Variants in CRIM1 observed in about 807,000 individuals in gnomAD.
CRIM1 encodes cysteine rich transmembrane BMP regulator 1, also known as cysteine-rich motor neuron 1 protein.
Under a neutral mutation model 116.4 loss-of-function variants are expected in CRIM1, and 32 were observed. That is an observed-to-expected ratio of 0.27 (90% CI 0.21 to 0.37). The LOEUF (loss-of-function observed/expected upper bound fraction) is 0.37. Among genes scored for constraint, CRIM1 ranks in the 10% least tolerant of loss-of-function variants. The probability of loss-of-function intolerance (pLI) is 1.00; values close to 1 mark genes in which losing one functional copy is unlikely to be tolerated. For synonymous variants in CRIM1, 590 were observed against 509.2 expected (o/e 1.16, Z -2.13); for missense variants, 1,331 against 1,354.8 (o/e 0.98, Z 0.28).
intron 1 of CRIM1, among the ~76,000 whole-genome samples, chr2:36,389,683 T>A (rs375718543): frequency 6.6e-6 from 1 of 152,208 alleles, no homozygotes; most frequent in East Asian, 1.9e-4. Flanking sequence ...AATCTGAGCA[T>A]ACAAATGCCT....
chr2:36,498,373 C>T (rs1010403555), intron 7 of CRIM1, among the ~76,000 whole-genome samples: 1 of 152,110 alleles, frequency 6.6e-6, no homozygotes, highest in South Asian at 2.1e-4. Flanking sequence ...TGCTAGATTT[C>T]CTCATCTGTA....
intron 5 of CRIM1, among the ~76,000 whole-genome samples, chr2:36,473,283 C>T (rs1231395464): frequency 1.3e-5 from 2 of 152,140 alleles, no homozygotes; most frequent in Non-Finnish European, 2.9e-5. Flanking sequence ...ATATCATCAT[C>T]CAGCTTTCAC....
intron 14 of CRIM1, among the ~76,000 whole-genome samples, chr2:36,537,936 A>G (rs1474643266): frequency 6.6e-6 from 1 of 152,218 alleles, no homozygotes; most frequent in Admixed American, 6.5e-5. Context: ...CTGTGAAAAT[A>G]TATTAGAACC....
rs1558432184 is a variant in CRIM1 at position 36,550,021 on chromosome 2, A to ATGTGTGTGTGAGAGTATGTATG, written c.*1331_*1352dup. 1 of 151,098 alleles carries ATGTGTGTGTGAGAGTATGTATG rather than the reference A, an allele frequency of 6.6e-6. No individual in the cohort carries two copies. The highest frequency in any genetic ancestry group is 2.5e-5 in the African/African-American group (1 of 40,634). The allele number at this position is 151,098 out of a possible 1,614,324, so 9.4% of individuals were successfully genotyped here. ...TTCTACCTGCAGTTTAATTGGAAAG[A>ATGTGTGTGTGAGAGTATGTATG]TGTGTGTGTGAGAGTATGTATGTGT... On this transcript the variant is annotated 3_prime_UTR_variant, in exon 17 of 17. Transcript: ENST00000280527.
chr2:36,391,628 G>A (rs1276732995), intron 1 of CRIM1, among the ~76,000 whole-genome samples: 1 of 152,130 alleles, frequency 6.6e-6, no homozygotes, highest in Non-Finnish European at 1.5e-5. Flanking sequence ...CTTGGCCTAG[G>A]TGTACCTGCA....
intron 2 of CRIM1, among the ~76,000 whole-genome samples, chr2:36,435,975 A>G (rs190602187): frequency 1.3e-5 from 2 of 151,640 alleles, no homozygotes; most frequent in Admixed American, 6.6e-5. Context: ...AATCAGACAT[A>G]GAAGTTATTT....
intron 1 of CRIM1, among the ~76,000 whole-genome samples, chr2:36,383,874 C>T (rs1407254776): frequency 6.6e-6 from 1 of 152,152 alleles, no homozygotes; most frequent in African/African-American, 2.4e-5. Context: ...ATAGTATACT[C>T]AGGGAATCAG....
chr2:36,534,678 G>T (rs1330455849), intron 13 of CRIM1, among the ~76,000 whole-genome samples: 1 of 148,278 alleles, frequency 6.7e-6, no homozygotes, highest in Non-Finnish European at 1.5e-5. Flanking sequence ...ATACAGGAAG[G>T]AAAAGGAAGA....
At chr2:36,438,515 T>C (rs1675516214) in intron 2 of CRIM1, among the ~76,000 whole-genome samples, 1 of 152,148 alleles carries the variant, frequency 6.6e-6, no homozygotes, top group Admixed American at 6.5e-5. Flanking sequence ...GAATTCCTTA[T>C]TAGTTAATCA....
chr2:36,391,253 C>T (rs377444459), intron 1 of CRIM1, among the ~76,000 whole-genome samples: 9 of 150,578 alleles, frequency 6.0e-5, no homozygotes, highest in African/African-American at 1.2e-4. Context: ...CTCAGCCTCC[C>T]GAGAAGCTGG....
intron 2 of CRIM1, among the ~76,000 whole-genome samples, chr2:36,426,298 G>C (rs532024666): frequency 1.3e-5 from 2 of 152,170 alleles, no homozygotes; most frequent in South Asian, 4.1e-4. Flanking sequence ...TTTTATAGGA[G>C]GCCCAGTAAT....
At chr2:36,521,593 C>G (rs1438647528) in intron 12 of CRIM1, among the ~76,000 whole-genome samples, 1 of 152,168 alleles carries the variant, frequency 6.6e-6, no homozygotes. Context: ...CAGCCGTGAT[C>G]AACGCACTCC....
At chr2:36,457,217 G>A (rs971265870) in intron 4 of CRIM1, among the ~76,000 whole-genome samples, 9 of 151,886 alleles carry the variant, frequency 5.9e-5, no homozygotes, top group Admixed American at 2.0e-4. Context: ...GTTCTTTAGC[G>A]GTGATTTGTG....
At position 36,548,635 on chromosome 2, in the gene CRIM1, C is replaced by T. The variant is rs1302966584; in HGVS notation, c.3045C>T (p.Phe1015=). ...GAATTGCAGAACCAGATGCAAGATTCAGTGGCTTCTACAGCATGCAAAAAC... is the reference window on the plus strand; with the variant it reads ...GAATTGCAGAACCAGATGCAAGATTTAGTGGCTTCTACAGCATGCAAAAAC... ...MLRIAEPDAR[F]SGFYSMQKQN... Residue 1015 remains phenylalanine (F), a synonymous_variant, in exon 17 of 17, where the codon TTC becomes TTT. Coordinates refer to ENST00000280527, the MANE Select transcript of CRIM1 (RefSeq NM_016441.3). The T allele has an allele frequency of 6.2e-7, 1 of 1,612,798 alleles. No individual in the cohort carries two copies. The highest frequency in any genetic ancestry group is 8.5e-7 in the Non-Finnish European group (1 of 1,179,500).
intron 1 of CRIM1, among the ~76,000 whole-genome samples, chr2:36,371,609 A>G (rs1669952482): frequency 6.6e-6 from 1 of 152,236 alleles, no homozygotes; most frequent in African/African-American, 2.4e-5. Context: ...CATGCCGATC[A>G]GTCTTAGAAT....
At chr2:36,506,151 A>T (rs1301715954) in intron 8 of CRIM1, among the ~76,000 whole-genome samples, 8 of 108,850 alleles carry the variant, frequency 7.3e-5, no homozygotes, top group African/African-American at 2.9e-4. Flanking sequence ...ACACACACAC[A>T]CACACACTCT....
chr2:36,456,781 C>G (rs935433664), intron 4 of CRIM1, among the ~76,000 whole-genome samples: 18 of 152,212 alleles, frequency 1.2e-4, no homozygotes, highest in African/African-American at 3.9e-4. Flanking sequence ...CTGTCTCCAC[C>G]CCCCCACCAC....
At position 36,406,509 on chromosome 2, in the gene CRIM1, G is replaced by C. The variant is rs150138493; in HGVS notation, c.505+9722G>C. ...TAAATGTGTTTTCCTTTGGTCAAGGGAAGGGAATTCCAGATCCTTTGCTCA... is the reference window on the plus strand; with the variant it reads ...TAAATGTGTTTTCCTTTGGTCAAGGCAAGGGAATTCCAGATCCTTTGCTCA... On this transcript the variant is annotated intron_variant, in intron 2 of 16. Coordinates refer to ENST00000280527, the MANE Select transcript of CRIM1 (RefSeq NM_016441.3). Among the ~76,000 whole-genome samples, 7 of 152,168 alleles carry C rather than the reference G, an allele frequency of 4.6e-5. No individual in the cohort carries two copies. The South Asian group carries it at 1.5e-3, about 32-fold the overall frequency.
chr2:36,406,561 A>G (rs1346482718), intron 2 of CRIM1, among the ~76,000 whole-genome samples: 5 of 151,718 alleles, frequency 3.3e-5, no homozygotes, highest in African/African-American at 1.2e-4. Context: ...TGTGGGGGCC[A>G]GGACTTAGTG....
Sources: allele counts gnomAD v4.1 joint callset (sites outside exome capture counted in the v4.1 genomes callset), GRCh38; gene constraint gnomAD v4.1.1; transcripts MANE v1.5; gene names NCBI Gene and HGNC (gene_info 2026-07-23, HGNC 2026-07-21).